The following IQCM variants were observed in gnomAD, a reference collection of about 807,000 sequenced individuals.
IQCM encodes IQ motif containing M.
A neutral mutation model predicts 57.6 loss-of-function variants in IQCM; 45 were observed. The observed-to-expected ratio is 0.78, with a 90% CI of 0.62 to 1.00. The LOEUF is 1.00. IQCM is among the 50% of genes least tolerant of loss of function. The pLI, the probability that IQCM is intolerant of heterozygous loss-of-function variation, is 0.00. For missense variants in IQCM, 468 were observed against 511.6 expected (o/e 0.91, Z 0.82); for synonymous variants, 148 against 158.9 (o/e 0.93, Z 0.51).
At chr4:149,608,897 A>G (rs1322162017) in intron 8 of IQCM, among the ~76,000 whole-genome samples, 1 of 151,782 alleles carries the variant, frequency 6.6e-6, no homozygotes, top group Non-Finnish European at 1.5e-5. Context: ...AGAAAAATAT[A>G]AAGATCAGAG....
intron 8 of IQCM, among the ~76,000 whole-genome samples, chr4:149,610,002 AT>A (rs768197280): frequency 6.6e-5 from 10 of 152,024 alleles, no homozygotes; most frequent in African/African-American, 1.9e-4. Flanking sequence ...CACCAAAAAA[AT>A]ATTAGAACTG....
chr4:149,508,971 C>T (rs1744122810), intron 12 of IQCM, among the ~76,000 whole-genome samples: 1 of 152,162 alleles, frequency 6.6e-6, no homozygotes, highest in Admixed American at 6.5e-5. Flanking sequence ...AGTTTCCCTG[C>T]ACAAACTCTC....
At chr4:149,437,410 T>C (rs576414852) in intron 12 of IQCM, among the ~76,000 whole-genome samples, 1 of 152,090 alleles carries the variant, frequency 6.6e-6, no homozygotes, top group Non-Finnish European at 1.5e-5. Context: ...ATTTATAAAC[T>C]GATGATGGCC....
At chr4:149,533,647 C>T (rs912971195) in intron 12 of IQCM, among the ~76,000 whole-genome samples, 9 of 152,046 alleles carry the variant, frequency 5.9e-5, no homozygotes, top group African/African-American at 2.2e-4. Context: ...TCTTACATGG[C>T]AGCAGGCAAA....
At chr4:149,761,237 A>C (rs533829811) in intron 2 of IQCM, among the ~76,000 whole-genome samples, 1 of 152,200 alleles carries the variant, frequency 6.6e-6, no homozygotes, top group South Asian at 2.1e-4. Context: ...TTAATCGTGG[A>C]TCTATTTATG....
chr4:149,773,795 C>A (rs911006219), intron 2 of IQCM, among the ~76,000 whole-genome samples: 1 of 152,082 alleles, frequency 6.6e-6, no homozygotes, highest in African/African-American at 2.4e-5. Context: ...ATACTACTGG[C>A]CAAAGTGGTG....
chr4:149,721,520 G>T (rs760437682), intron 5 of IQCM, among the ~76,000 whole-genome samples: 75 of 152,136 alleles, frequency 4.9e-4, no homozygotes, highest in Non-Finnish European at 1.0e-4. Context: ...CTTAGCTCAG[G>T]CTTATAAGTG....
chr4:149,674,973 C>T (rs953800619), intron 7 of IQCM, among the ~76,000 whole-genome samples: 2 of 152,002 alleles, frequency 1.3e-5, no homozygotes, highest in African/African-American at 4.8e-5. Flanking sequence ...TCTGGTTAAA[C>T]AGTAGTGCTC....
At chr4:149,555,620 T>C (rs143511366) in intron 10 of IQCM, among the ~76,000 whole-genome samples, 1 of 152,340 alleles carries the variant, frequency 6.6e-6, no homozygotes, top group African/African-American at 2.4e-5. Flanking sequence ...TCCTTTATGT[T>C]TATGAACTTA....
At chr4:149,733,162 G>A (rs1363665838) in intron 5 of IQCM, 82 bp downstream of exon 5, 9 of 1,150,604 alleles carry the variant, frequency 7.8e-6, no homozygotes, top group Non-Finnish European at 9.8e-6. Flanking sequence ...ATTTGAAAAA[G>A]AAAATTCCAT....
At position 149,395,775 on chromosome 4, in the gene IQCM, G is replaced by C. The variant is rs1225102137; in HGVS notation, c.1390+37621C>G. 2.0e-5 allele frequency among the ~76,000 whole-genome samples: 3 copies of C among 152,156 alleles called. No individual in the cohort carries two copies. The East Asian group carries it at 5.8e-4, about 30-fold the overall frequency. ...TGCTGGCTGTTATAATTAGTATTAA[G>C]ACCTATTCTCTATTCCCAGAAGGGA... On this transcript the variant is annotated intron_variant, in intron 13 of 13. Coordinates refer to ENST00000636793, the MANE Select transcript of IQCM (RefSeq NM_001363507.2).
intron 8 of IQCM, among the ~76,000 whole-genome samples, chr4:149,606,217 C>A (rs1754763928): frequency 6.6e-6 from 1 of 152,148 alleles, no homozygotes; most frequent in Non-Finnish European, 1.5e-5. Context: ...TCACCCCTCC[C>A]CCAGCTCCAG....
intron 13 of IQCM, among the ~76,000 whole-genome samples, chr4:149,361,094 C>T (rs948158884): frequency 1.1e-4 from 16 of 152,154 alleles, no homozygotes; most frequent in Admixed American, 2.0e-4. Flanking sequence ...TACATTTTAG[C>T]AAAGAGACTG....
intron 12 of IQCM, among the ~76,000 whole-genome samples, chr4:149,504,256 A>G (rs540178055): frequency 1.4e-4 from 22 of 152,322 alleles, no homozygotes; most frequent in South Asian, 2.1e-4. Context: ...AAACTTAAAA[A>G]TGATTTACTC....
At chr4:149,426,299 G>C (rs1734458271) in intron 13 of IQCM, among the ~76,000 whole-genome samples, 1 of 151,900 alleles carries the variant, frequency 6.6e-6, no homozygotes, top group Non-Finnish European at 1.5e-5. Flanking sequence ...TCTTATTCTA[G>C]TAACACATTT....
chr4:149,373,869 C>A (rs911898298), intron 13 of IQCM, among the ~76,000 whole-genome samples: 2 of 151,902 alleles, frequency 1.3e-5, no homozygotes, highest in Admixed American at 1.3e-4. Flanking sequence ...TTATTTTCCA[C>A]CAATTAGCTA....
chr4:149,488,340 T>A (rs925495720), intron 12 of IQCM, among the ~76,000 whole-genome samples: 2 of 152,156 alleles, frequency 1.3e-5, no homozygotes, highest in Admixed American at 1.3e-4. Context: ...AAAAATATAG[T>A]TATGCTAAAA....
intron 12 of IQCM, among the ~76,000 whole-genome samples, chr4:149,489,537 T>C (rs1316894085): frequency 6.6e-6 from 1 of 151,904 alleles, no homozygotes; most frequent in Non-Finnish European, 1.5e-5. Context: ...CCTGTGGGAA[T>C]TTTTCTTTAA....
At chr4:149,620,777 A>G (rs1311288729) in intron 8 of IQCM, among the ~76,000 whole-genome samples, 1 of 152,204 alleles carries the variant, frequency 6.6e-6, no homozygotes, top group Non-Finnish European at 1.5e-5. Context: ...AGATGTCTAC[A>G]TTCTACATTC....
Sources: allele counts gnomAD v4.1 joint callset (sites outside exome capture counted in the v4.1 genomes callset), GRCh38; gene constraint gnomAD v4.1.1; transcripts MANE v1.5; gene names NCBI Gene and HGNC (gene_info 2026-07-23, HGNC 2026-07-21).